Variants in EPAS1 observed in about 807,000 individuals in gnomAD.
EPAS1 encodes the protein endothelial PAS domain-containing protein 1.
A neutral mutation model predicts 87.9 loss-of-function variants in EPAS1; 23 were observed. The ratio of observed to expected loss-of-function variants is 0.26; its 90% CI spans 0.19 to 0.37. EPAS1 has a LOEUF of 0.37. Ranked by LOEUF, EPAS1 falls within the 10% of genes least tolerant of loss-of-function variation. EPAS1 has a pLI of 1.00. For synonymous variants in EPAS1, 508 were observed against 444.3 expected, an observed-to-expected ratio of 1.14 and a Z score of -1.80; for missense variants, 1,138 against 1,120.7, an observed-to-expected ratio of 1.02 and a Z score of -0.22.
chr2:46,361,148 G>A, intron 6 of EPAS1, 58 bp downstream of exon 6: 2 of 1,567,324 alleles, frequency 1.3e-6, no homozygotes, highest in South Asian at 2.3e-5. Context: ...TGTGTGTGTG[G>A]GGAGTTGTGC....
chr2:46,352,770 T>C (rs1684195659), intron 2 of EPAS1, among the ~76,000 whole-genome samples: 1 of 152,230 alleles, frequency 6.6e-6, no homozygotes, highest in Non-Finnish European at 1.5e-5. Flanking sequence ...GGGGCCAACC[T>C]GCTGGCTTCC....
intron 1 of EPAS1, among the ~76,000 whole-genome samples, chr2:46,319,279 G>A (rs1216668569): frequency 2.0e-5 from 3 of 152,342 alleles, no homozygotes; most frequent in South Asian, 2.1e-4. Flanking sequence ...TGGCCCATAT[G>A]TATGCTTTGA....
intron 6 of EPAS1, among the ~76,000 whole-genome samples, chr2:46,368,375 TC>T (rs1241820962): frequency 6.6e-6 from 1 of 152,120 alleles, no homozygotes; most frequent in Non-Finnish European, 1.5e-5. Context: ...AGAGGGGTCT[TC>T]CATGACAGAG....
intron 12 of EPAS1, chr2:46,381,043 G>A (rs747254313): frequency 4.7e-6 from 2 of 423,206 alleles, no homozygotes; most frequent in South Asian, 2.7e-5. Context: ...ATTGAGTGAT[G>A]ATTTTCCCTG....
intron 6 of EPAS1, among the ~76,000 whole-genome samples, chr2:46,364,885 A>G (rs2103644493): frequency 6.6e-6 from 1 of 152,364 alleles, no homozygotes; most frequent in African/African-American, 2.4e-5. Flanking sequence ...AGACCATTAC[A>G]TCAAAGTAAA....
At position 46,384,639 on chromosome 2, in the gene EPAS1, A is replaced by G. The variant is rs748584056; in HGVS notation, c.2592A>G (p.Arg864=). 1.4e-5 allele frequency: 22 copies of G among 1,613,728 alleles called. No individual in the cohort carries two copies. Among genetic ancestry groups the G allele is most frequent in the Non-Finnish European group, 1.7e-5 (20 of 1,180,000 alleles). Residue 864 remains arginine, a synonymous_variant, in exon 16 of 16, where the codon AGA becomes AGG. Transcript: ENST00000263734. ...TCCTGCAAGGAGGGGACCTCCTCAGAGCCCTGGACCAGGCCACCTGAGCCA... is the reference window on the plus strand; with the variant it reads ...TCCTGCAAGGAGGGGACCTCCTCAGGGCCCTGGACCAGGCCACCTGAGCCA... ...STLLQGGDLL[R]ALDQAT is the part of the protein sequence containing the mutation.
At chr2:46,301,030 C>A (rs1305282921) in intron 1 of EPAS1, among the ~76,000 whole-genome samples, 2 of 152,186 alleles carry the variant, frequency 1.3e-5, no homozygotes, top group Non-Finnish European at 2.9e-5. Context: ...GTATTACCAG[C>A]AGCGCAGGAT....
At chr2:46,379,871 G>C (rs1289110581) in intron 11 of EPAS1, 1 of 393,258 alleles carries the variant, frequency 2.5e-6, no homozygotes, top group African/African-American at 2.1e-5. Flanking sequence ...TGTAGGACAA[G>C]GATAACCACC....
chr2:46,363,785 TC>T (rs948753008), intron 6 of EPAS1, among the ~76,000 whole-genome samples: 5 of 152,184 alleles, frequency 3.3e-5, no homozygotes, highest in Non-Finnish European at 5.9e-5. Context: ...TTCAGCAAAA[TC>T]TTGCCTTTCA....
chr2:46,300,581 G>A lies in EPAS1; in HGVS notation c.26+2644G>A, dbSNP rs1682977588. ...CAGATGTCAGAAACTGAAGCCTGGT[G>A]GGTGGGGGTACTGCACTTTCACTCA... On this transcript the variant is annotated intron_variant, in intron 1 of 15. Transcript: ENST00000263734. The surrounding 1 kb of genome is among the most constrained non-coding windows in gnomAD (Gnocchi z 4.1). Among the ~76,000 whole-genome samples, 1 of 152,208 alleles carries A rather than the reference G, an allele frequency of 6.6e-6. No homozygotes were observed. The highest frequency in any genetic ancestry group is 2.1e-4 in the South Asian group (1 of 4,830).
Position 46,384,702 on chromosome 2 carries a change from C to G in EPAS1, c.*42C>G. The G allele has an allele frequency of 6.2e-7, 1 of 1,606,618 alleles. No homozygotes were observed. On this transcript the variant is annotated 3_prime_UTR_variant, in exon 16 of 16. Transcript: ENST00000263734. Reference sequence around the variant, plus strand: ...GGGCAGCACCTCTGCCGACGCCGTCCCACCAGCTTCACTCTCTCCGTCTGT... The same window carrying G: ...GGGCAGCACCTCTGCCGACGCCGTCGCACCAGCTTCACTCTCTCCGTCTGT...
chr2:46,381,832 A>G (rs991715456), intron 13 of EPAS1, 110 bp downstream of exon 13: 19 of 1,563,654 alleles, frequency 1.2e-5, no homozygotes, highest in Non-Finnish European at 1.7e-5. Flanking sequence ...CCCTTAGGGA[A>G]CCCAGGGCTG....
At position 46,300,401 on chromosome 2, in the gene EPAS1, G is replaced by C. The variant is rs1867782; in HGVS notation, c.26+2464G>C. Among the ~76,000 whole-genome samples the C allele has an allele frequency of 0.93, 142,301 of 152,310 alleles. 66,523 individuals are homozygous for C. Among genetic ancestry groups the C allele is most frequent in the East Asian group, 0.96 (4,960 of 5,176 alleles). ...GGAATATTCGTTCTAACAATGGCCC[G>C]TCAAGAAGTGGGCAGATGATTTTGT... On this transcript the variant is annotated intron_variant, in intron 1 of 15. Transcript: ENST00000263734. The surrounding 1 kb of genome is among the most constrained non-coding windows in gnomAD (Gnocchi z 4.1).
chr2:46,369,960 C>T, intron 7 of EPAS1, 27 bp downstream of exon 7: 1 of 1,552,322 alleles, frequency 6.4e-7, no homozygotes, highest in African/African-American at 1.4e-5. Context: ...CCCCTTGTGG[C>T]TTCCTTGTGT....
At chr2:46,351,049 A>G (rs190080482) in intron 2 of EPAS1, among the ~76,000 whole-genome samples, 2 of 152,150 alleles carry the variant, frequency 1.3e-5, no homozygotes, top group East Asian at 3.9e-4. Flanking sequence ...CTCACACCCC[A>G]CTTTCAGACT....
In EPAS1 at chr2:46,360,563, C is replaced by A; in HGVS notation, c.455-75C>A. 1 of 1,299,090 alleles carries A rather than the reference C, an allele frequency of 7.7e-7. No individual in the cohort carries two copies. Among genetic ancestry groups the A allele is most frequent in the Non-Finnish European group, 1.1e-6 (1 of 893,276 alleles). The allele number at this position is 1,299,090 out of a possible 1,614,324, so 80.5% of individuals were successfully genotyped here. ...ATAAACAATAGGCTGCCAAGAAAAA[C>A]TGCAGCTGGGCCCCTCTCATGAATA... On this transcript the variant is annotated intron_variant, in intron 4 of 15. Coordinates refer to ENST00000263734, the MANE Select transcript of EPAS1 (RefSeq NM_001430.5). This position sits in a 1 kb window ranked among gnomAD's most constrained non-coding sequence, Gnocchi z 4.5.
rs1255291115 is a variant in EPAS1, at chr2:46,347,802, G to A, written c.217+739G>A. On this transcript the variant is annotated intron_variant, in intron 2 of 15. Transcript: ENST00000263734. This position sits in a 1 kb window ranked among gnomAD's most constrained non-coding sequence, Gnocchi z 4.2. The stretch of plus-strand genomic sequence containing the variant: ...TCCTATGCGTCCTGACCAGAAACAG[G>A]TGTCTTGAGTAGTCTTCTGGTTTCA... Among the ~76,000 whole-genome samples the A allele has an allele frequency of 2.0e-5, 3 of 152,288 alleles. No homozygotes were observed. Among genetic ancestry groups the A allele is most frequent in the South Asian group, 4.1e-4 (2 of 4,828 alleles).
At chr2:46,350,270 T>C (rs902583126) in intron 2 of EPAS1, among the ~76,000 whole-genome samples, 2 of 152,214 alleles carry the variant, frequency 1.3e-5, no homozygotes, top group African/African-American at 4.8e-5. Context: ...TTTAAGCATT[T>C]CTAACAAAGG....
At chr2:46,330,689 C>T (rs1052978405) in intron 1 of EPAS1, among the ~76,000 whole-genome samples, 1 of 152,192 alleles carries the variant, frequency 6.6e-6, no homozygotes, top group East Asian at 1.9e-4. Context: ...AGGGTTGCCC[C>T]ATGGTTCAGC....
Sources: gnomAD v4.1 joint callset for allele counts (sites outside exome capture counted in the v4.1 genomes callset) on GRCh38, gnomAD v4.1.1 for gene constraint, Gnocchi (gnomAD v3.1) non-coding constraint, MANE v1.5 for transcripts, NCBI Gene and HGNC (gene_info 2026-07-23, HGNC 2026-07-21) for gene names.